GALNT17: variants seen among roughly 807,000 people sequenced by gnomAD.
GALNT17 encodes UDP-GalNAc:polypeptide N-acetylgalactosaminyltransferase-like 3.
In GALNT17, 29 loss-of-function variants were observed where a neutral mutation model predicts 63.7. That is an observed-to-expected ratio of 0.46 (90% CI 0.34 to 0.62). GALNT17 has a LOEUF of 0.62. GALNT17 is among the 20% of genes least tolerant of loss of function. The pLI is 0.01. For synonymous variants in GALNT17, 305 were observed against 318.3 expected (o/e 0.96, Z 0.45); for missense variants, 603 against 799.6 (o/e 0.75, Z 2.97).
intron 9 of GALNT17, among the ~76,000 whole-genome samples, chr7:71,701,721 GTATGTATATATATATA>G (rs1791634741): frequency 2.8e-5 from 4 of 140,630 alleles, no homozygotes; most frequent in East Asian, 2.0e-4. Flanking sequence ...AAAATGTGGT[GTATGTATATATATATA>G]TATGTGTATA....
intron 5 of GALNT17, among the ~76,000 whole-genome samples, chr7:71,536,513 G>A (rs1391699722): frequency 6.6e-6 from 1 of 152,302 alleles, no homozygotes; most frequent in Non-Finnish European, 1.5e-5. Context: ...ATGGCGGGAG[G>A]TGAAAGGCAC....
chr7:71,385,607 G>T (rs1792928134), intron 2 of GALNT17, among the ~76,000 whole-genome samples: 1 of 152,194 alleles, frequency 6.6e-6, no homozygotes. Context: ...CCCAGGGGAG[G>T]TGGAGCCGGC....
chr7:71,462,640 A>G (rs543604087), intron 5 of GALNT17, among the ~76,000 whole-genome samples: 2 of 152,328 alleles, frequency 1.3e-5, no homozygotes, highest in African/African-American at 2.4e-5. Context: ...TTGGTCTGCA[A>G]AGGTGGGACA....
At chr7:71,336,032 C>CTTTT (rs1167623885) in intron 2 of GALNT17, among the ~76,000 whole-genome samples, 2 of 21,286 alleles carry the variant, frequency 9.4e-5, no homozygotes, top group African/African-American at 3.8e-4. Flanking sequence ...TTCTTTCTTC[C>CTTTT]TTTTTTTTTT....
At chr7:71,325,690 TAACC>T (rs1791693233) in intron 1 of GALNT17, among the ~76,000 whole-genome samples, 1 of 152,132 alleles carries the variant, frequency 6.6e-6, no homozygotes, top group African/African-American at 2.4e-5. Context: ...GGGCTGAACT[TAACC>T]ACAGACATCG....
At chr7:71,159,142 C>T (rs762755322) in intron 1 of GALNT17, among the ~76,000 whole-genome samples, 3 of 151,764 alleles carry the variant, frequency 2.0e-5, no homozygotes, top group South Asian at 2.1e-4. Context: ...TTTCTTCTGT[C>T]CCTTCTAAGC....
chr7:71,624,412 A>G (rs1437698944), intron 6 of GALNT17, among the ~76,000 whole-genome samples: 1 of 152,204 alleles, frequency 6.6e-6, no homozygotes, highest in Non-Finnish European at 1.5e-5. Context: ...ATGGGGTTCT[A>G]GGTATAATTA....
intron 5 of GALNT17, among the ~76,000 whole-genome samples, chr7:71,538,976 G>A (rs911997897): frequency 2.6e-5 from 4 of 151,994 alleles, no homozygotes; most frequent in East Asian, 1.9e-4. Flanking sequence ...TCACTCTGTC[G>A]CCCAGGCTGG....
intron 5 of GALNT17, among the ~76,000 whole-genome samples, chr7:71,551,312 T>C (rs1027258439): frequency 9.2e-5 from 14 of 152,206 alleles, no homozygotes; most frequent in African/African-American, 3.4e-4. Context: ...TTTTCAAATA[T>C]GTTGTGCTAC....
At chr7:71,236,924 G>A (rs887657768) in intron 1 of GALNT17, among the ~76,000 whole-genome samples, 1 of 152,176 alleles carries the variant, frequency 6.6e-6, no homozygotes, top group East Asian at 1.9e-4. Flanking sequence ...TGTGCTCCAC[G>A]CTCACTGAGT....
intron 1 of GALNT17, among the ~76,000 whole-genome samples, chr7:71,328,611 C>T (rs1433835254): frequency 3.3e-5 from 5 of 151,024 alleles, no homozygotes; most frequent in Admixed American, 3.3e-4. Context: ...CCAACAGTTT[C>T]TGGGGCCTGC....
intron 1 of GALNT17, among the ~76,000 whole-genome samples, chr7:71,262,425 T>G (rs1414743768): frequency 6.6e-6 from 1 of 152,036 alleles, no homozygotes. Context: ...CTGTTTCTTA[T>G]GTATATGTCA....
chr7:71,534,725 A>T (rs1788776766), intron 5 of GALNT17, among the ~76,000 whole-genome samples: 1 of 152,158 alleles, frequency 6.6e-6, no homozygotes, highest in South Asian at 2.1e-4. Flanking sequence ...ACGTGGGGAT[A>T]TGACAACTAC....
intron 6 of GALNT17, among the ~76,000 whole-genome samples, chr7:71,603,305 C>T (rs903735808): frequency 2.0e-5 from 3 of 151,236 alleles, no homozygotes; most frequent in African/African-American, 7.3e-5. Context: ...TAAGTGCATA[C>T]ACCAGGTACT....
At chr7:71,499,735 A>G (rs1372664881) in intron 5 of GALNT17, among the ~76,000 whole-genome samples, 2 of 152,094 alleles carry the variant, frequency 1.3e-5, no homozygotes, top group African/African-American at 4.8e-5. Context: ...TCTAATCCAC[A>G]TTCTTCCTCC....
At chr7:71,469,373 A>C (rs954022404) in intron 5 of GALNT17, among the ~76,000 whole-genome samples, 3 of 152,220 alleles carry the variant, frequency 2.0e-5, no homozygotes, top group Admixed American at 6.5e-5. Context: ...AGGACTGGTC[A>C]CGGAAAAACC....
At chr7:71,416,496 C>A (rs994238362) in intron 4 of GALNT17, among the ~76,000 whole-genome samples, 1 of 151,990 alleles carries the variant, frequency 6.6e-6, no homozygotes, top group East Asian at 1.9e-4. Flanking sequence ...CCTGTAGTCT[C>A]GGCTACTTGG....
intron 1 of GALNT17, among the ~76,000 whole-genome samples, chr7:71,162,948 G>A (rs1219602529): frequency 6.6e-6 from 1 of 152,202 alleles, no homozygotes; most frequent in Non-Finnish European, 1.5e-5. Context: ...CTACTGCATG[G>A]AAGACGCACT....
Position 71,295,573 on chromosome 7 carries a change from TTTCCTACCTTCC to T in GALNT17, c.239-39959_239-39948del, listed in dbSNP as rs1305982218. Among the ~76,000 whole-genome samples, 709 of 151,400 alleles carry T rather than the reference TTTCCTACCTTCC, an allele frequency of 4.7e-3. 7 individuals are homozygous for T. The highest frequency in any genetic ancestry group is 0.016 in the African/African-American group (649 of 41,198). On this transcript the variant is annotated intron_variant, in intron 1 of 10. Transcript: ENST00000333538. Reference sequence around the variant, plus strand: ...CTCCCTCCTTCCTTTTTCCTTTCCTTTTCCTACCTTCCTTCCTACCTTCCTTCCTTCCTTCCC... The same window carrying T: ...CTCCCTCCTTCCTTTTTCCTTTCCTTTTCCTACCTTCCTTCCTTCCTTCCC...
Sources: gnomAD v4.1 joint callset for allele counts (sites outside exome capture counted in the v4.1 genomes callset) on GRCh38, gnomAD v4.1.1 for gene constraint, MANE v1.5 for transcripts, NCBI Gene and HGNC (gene_info 2026-07-23, HGNC 2026-07-21) for gene names.